Variants in MYO10 observed in about 807,000 individuals in gnomAD.
MYO10 encodes myosin X, also known as unconventional myosin-X.
A neutral mutation model predicts 257.3 loss-of-function variants in MYO10; 133 were observed. That is an observed-to-expected ratio of 0.52 (90% CI 0.45 to 0.60). The LOEUF (loss-of-function observed/expected upper bound fraction) is 0.60, where lower values mean the gene tolerates loss of function less well. MYO10 is among the 20% of genes least tolerant of loss of function. The pLI is 0.00. For synonymous variants in MYO10, 1,104 were observed against 1,028.6 expected (o/e 1.07, Z -1.40); for missense variants, 2,399 against 2,635.7 (o/e 0.91, Z 1.97).
intron 10 of MYO10, among the ~76,000 whole-genome samples, chr5:16,767,588 A>G (rs1010465427): frequency 2.6e-5 from 4 of 152,264 alleles, no homozygotes; most frequent in African/African-American, 9.6e-5. Flanking sequence ...AAAATAGAAC[A>G]TTTATTTTAG....
chr5:16,699,785 T>TGAAAAAAAAAAAAA, intron 25 of MYO10: 1 of 56,138 alleles, frequency 1.8e-5, no homozygotes, highest in Non-Finnish European at 2.7e-5. Flanking sequence ...AGCCTCAGTC[T>TGAAAAAAAAAAAAA]CAAAAAAAAA....
chr5:16,698,752 T>C (rs1179909606), intron 26 of MYO10, among the ~76,000 whole-genome samples: 1 of 148,922 alleles, frequency 6.7e-6, no homozygotes, highest in Non-Finnish European at 1.5e-5. Flanking sequence ...GCCTCTCAGG[T>C]AGCTGGCACT....
intron 17 of MYO10, 75 bp downstream of exon 17, chr5:16,761,388 AT>A: frequency 8.5e-7 from 1 of 1,171,238 alleles, no homozygotes; most frequent in East Asian, 2.3e-5. Context: ...AATTTGTTCT[AT>A]ATTTGTGAAT....
In MYO10 at chr5:16,703,814, G is replaced by A. The variant is rs565459592; in HGVS notation, c.2277-656C>T. On this transcript the variant is annotated intron_variant, in intron 22 of 40. Coordinates refer to ENST00000513610, the MANE Select transcript of MYO10 (RefSeq NM_012334.3). ...GGAGAATCACTTGAACCCGGGAGGC[G>A]GAGGTTGCAGTGGGCTGAGATCGCA... Among the ~76,000 whole-genome samples the A allele has an allele frequency of 1.9e-4, 29 of 151,040 alleles. No individual in the cohort carries two copies. In the East Asian group the frequency reaches 4.7e-3, roughly 24 times the overall value.
intron 9 of MYO10, among the ~76,000 whole-genome samples, chr5:16,777,910 G>T (rs11740240): frequency 0.55 from 78,020 of 140,700 alleles, 21,157 homozygotes; most frequent in Middle Eastern, 0.67. Context: ...GTGCAAAGGC[G>T]TGATCTCAGC....
At chr5:16,735,231 TTG>T (rs1739742341) in intron 19 of MYO10, among the ~76,000 whole-genome samples, 1 of 152,196 alleles carries the variant, frequency 6.6e-6, no homozygotes, top group Non-Finnish European at 1.5e-5. Flanking sequence ...ACAAATCAAC[TTG>T]TTCCTTGAGA....
At chr5:16,754,472 T>A (rs1178165895) in intron 19 of MYO10, among the ~76,000 whole-genome samples, 3 of 148,594 alleles carry the variant, frequency 2.0e-5, no homozygotes, top group Non-Finnish European at 3.0e-5. Context: ...ATAAAAACTT[T>A]AAAAAAAAAA....
intron 33 of MYO10, among the ~76,000 whole-genome samples, chr5:16,677,416 C>CTT (rs796474728): frequency 4.2e-4 from 50 of 119,376 alleles, no homozygotes; most frequent in African/African-American, 6.8e-4. Context: ...GTAACTTGAC[C>CTT]TTTTTTTTTT....
chr5:16,710,603 A>C, intron 21 of MYO10: 1 of 363,740 alleles, frequency 2.7e-6, no homozygotes, highest in Non-Finnish European at 5.1e-6. Context: ...CCTACTTCCA[A>C]AGTACTGTTA....
rs887722601 is a variant in MYO10, at chr5:16,711,376, C to T, written c.1930-131G>A. ...CACATACGAGAATCTTGAACCTACA[C>T]AGAAATAGAGACTAGCACAGGAACC... On this transcript the variant is annotated intron_variant, in intron 19 of 40. Coordinates refer to ENST00000513610, the MANE Select transcript of MYO10 (RefSeq NM_012334.3). The T allele has an allele frequency of 4.1e-6, 4 of 975,290 alleles. No homozygotes were observed. The African/African-American group carries it at 6.6e-5, about 16-fold the overall frequency. 60.4% of individuals were successfully genotyped at this position (975,290 alleles called of 1,614,324 possible).
At chr5:16,888,761 A>T (rs531484029) in intron 1 of MYO10, among the ~76,000 whole-genome samples, 2 of 151,868 alleles carry the variant, frequency 1.3e-5, no homozygotes, top group Non-Finnish European at 2.9e-5. Flanking sequence ...AAAAAAAGTA[A>T]AATTTGAATT....
chr5:16,871,062 T>C (rs1330212504), intron 2 of MYO10, among the ~76,000 whole-genome samples: 2 of 152,206 alleles, frequency 1.3e-5, no homozygotes, highest in Non-Finnish European at 2.9e-5. Context: ...CATGTTTTAG[T>C]GCACAGTCTA....
chr5:16,727,882 A>AG (rs1192265177), intron 19 of MYO10, among the ~76,000 whole-genome samples: 1 of 151,990 alleles, frequency 6.6e-6, no homozygotes, highest in Non-Finnish European at 1.5e-5. Flanking sequence ...GCCCAAAAAA[A>AG]AAAAAAAAAA....
chr5:16,902,041 TTTTC>T (rs761861795), intron 1 of MYO10, among the ~76,000 whole-genome samples: 21 of 152,206 alleles, frequency 1.4e-4, no homozygotes, highest in Non-Finnish European at 2.1e-4. Flanking sequence ...TTACCTTTTA[TTTTC>T]TTTATTTTTT....
At chr5:16,732,907 G>A (rs560183664) in intron 19 of MYO10, among the ~76,000 whole-genome samples, 10 of 152,282 alleles carry the variant, frequency 6.6e-5, no homozygotes, top group Non-Finnish European at 1.3e-4. Flanking sequence ...GCCGAGGTGC[G>A]CAGATCACTT....
chr5:16,744,974 T>G (rs1042965321), intron 19 of MYO10, among the ~76,000 whole-genome samples: 7 of 152,220 alleles, frequency 4.6e-5, no homozygotes, highest in African/African-American at 1.7e-4. Context: ...CATTTTCACA[T>G]TAATCTCAAA....
At chr5:16,819,757 A>G (rs1303935146) in intron 2 of MYO10, among the ~76,000 whole-genome samples, 1 of 152,222 alleles carries the variant, frequency 6.6e-6, no homozygotes, top group Admixed American at 6.5e-5. Context: ...AGAATGACAC[A>G]CTAAGAAATG....
chr5:16,886,603 T>C (rs943239256), intron 1 of MYO10, among the ~76,000 whole-genome samples: 1 of 152,300 alleles, frequency 6.6e-6, no homozygotes, highest in Admixed American at 6.5e-5. Flanking sequence ...TCATCATCAT[T>C]TCTCAAGCTT....
At chr5:16,784,297 A>G (rs1741509505) in intron 4 of MYO10, among the ~76,000 whole-genome samples, 1 of 152,254 alleles carries the variant, frequency 6.6e-6, no homozygotes, top group Non-Finnish European at 1.5e-5. Context: ...GCTGAGGTTC[A>G]GCTGGATGCT....
Sources: allele counts gnomAD v4.1 joint callset (sites outside exome capture counted in the v4.1 genomes callset), GRCh38; gene constraint gnomAD v4.1.1; transcripts MANE v1.5; gene names NCBI Gene and HGNC (gene_info 2026-07-23, HGNC 2026-07-21).